Variants in IL1RAPL2 observed in about 807,000 individuals in gnomAD.
IL1RAPL2 encodes the protein interleukin 1 receptor accessory protein like 2.
Under a neutral mutation model 44.1 loss-of-function variants are expected in IL1RAPL2, and 3 were observed. The ratio of observed to expected loss-of-function variants is 0.07; its 90% confidence interval spans 0.03 to 0.18. The LOEUF (loss-of-function observed/expected upper bound fraction) is 0.18. IL1RAPL2 is among the 10% of genes least tolerant of loss of function. IL1RAPL2 has a pLI of 1.00. For synonymous variants in IL1RAPL2, 181 were observed against 178.8 expected (o/e 1.01, Z -0.10); for missense variants, 391 against 496.4 (o/e 0.79, Z 2.02).
At chrX:105,422,121 C>T (rs1029869817) in intron 5 of IL1RAPL2, among the ~76,000 whole-genome samples, 1 of 111,887 alleles carries the variant, frequency 8.9e-6, no homozygotes, top group African/African-American at 3.2e-5. Flanking sequence ...GCAAGAATAA[C>T]ATTTTTTACA....
At chrX:104,600,855 T>G (rs966475333) in intron 1 of IL1RAPL2, among the ~76,000 whole-genome samples, 5 of 111,909 alleles carry the variant, frequency 4.5e-5, no homozygotes, top group African/African-American at 1.6e-4. Context: ...TTTCATTATT[T>G]TTTATGGCTG....
intron 6 of IL1RAPL2, among the ~76,000 whole-genome samples, chrX:105,542,688 ATTTT>A (rs1159844672): frequency 9.4e-5 from 8 of 84,861 alleles, no homozygotes; most frequent in African/African-American, 4.3e-4. Flanking sequence ...TATTTTTTAT[ATTTT>A]TTATTTATTT....
intron 2 of IL1RAPL2, among the ~76,000 whole-genome samples, chrX:104,707,113 C>T (rs1050146687): frequency 9.0e-6 from 1 of 111,304 alleles, no homozygotes; most frequent in Non-Finnish European, 1.9e-5. Context: ...ACACTGGCTA[C>T]ATTTTCATAA....
At chrX:105,634,358 C>A (rs981956239) in intron 6 of IL1RAPL2, among the ~76,000 whole-genome samples, 2 of 111,087 alleles carry the variant, frequency 1.8e-5, no homozygotes, top group Non-Finnish European at 1.9e-5. Flanking sequence ...CCATGAGAAA[C>A]CACACAAAGA....
chrX:104,900,174 G>A (rs1308520733), intron 2 of IL1RAPL2, among the ~76,000 whole-genome samples: 6 of 111,128 alleles, frequency 5.4e-5, no homozygotes, highest in Non-Finnish European at 9.4e-5. Context: ...ACTCTTTTAC[G>A]TACCACAAAG....
At chrX:104,746,002 C>T (rs1407954709) in intron 2 of IL1RAPL2, among the ~76,000 whole-genome samples, 2 of 111,189 alleles carry the variant, frequency 1.8e-5, no homozygotes, top group African/African-American at 3.3e-5. Flanking sequence ...TGATTCATTG[C>T]GTAAATCATT....
rs1429120745 is a variant in IL1RAPL2 at position 105,030,129 on chromosome X, T to C, written c.83-165346T>C. On this transcript the variant is annotated intron_variant, in intron 2 of 10. Coordinates refer to ENST00000372582, the MANE Select transcript of IL1RAPL2 (RefSeq NM_017416.2). The stretch of plus-strand genomic sequence containing the variant: ...TTTCTTGTAAATTTGTTGTTCATTG[T>C]AGATTCTAGATATTGGCCCTTTGAC... 2.7e-5 allele frequency among the ~76,000 whole-genome samples: 3 copies of C among 111,975 alleles called. No individual in the cohort carries two copies. In the East Asian group the frequency reaches 8.4e-4, roughly 31 times the overall value.
In IL1RAPL2 at chrX:105,456,347, C is replaced by T. The variant is rs144037654; in HGVS notation, c.698-27966C>T. Among the ~76,000 whole-genome samples, 731 of 111,357 alleles carry T rather than the reference C, an allele frequency of 6.6e-3. 3 individuals are homozygous for T. Among genetic ancestry groups the T allele is most frequent in the Middle Eastern group, 0.019 (4 of 212 alleles). On this transcript the variant is annotated intron_variant, in intron 5 of 10. Coordinates refer to ENST00000372582, the MANE Select transcript of IL1RAPL2 (RefSeq NM_017416.2). Reference sequence around the variant, plus strand: ...ACCAGATTGCCCTGGCTAGGCTTTCCAACATCATGTTGAATAGTAGTGGTG... The same window carrying T: ...ACCAGATTGCCCTGGCTAGGCTTTCTAACATCATGTTGAATAGTAGTGGTG...
intron 5 of IL1RAPL2, chrX:105,406,658 T>A: frequency 8.8e-7 from 1 of 1,141,165 alleles, no homozygotes; most frequent in East Asian, 3.0e-5. Context: ...GTGCAAATCT[T>A]GAATGAGCTG....
chrX:105,649,889 A>G (rs1300188816), intron 6 of IL1RAPL2, among the ~76,000 whole-genome samples: 1 of 111,663 alleles, frequency 9.0e-6, no homozygotes, highest in Non-Finnish European at 1.9e-5. Context: ...GGAGGAGAGA[A>G]AAGATATCTC....
intron 2 of IL1RAPL2, among the ~76,000 whole-genome samples, chrX:104,796,557 G>T (rs1324853415): frequency 1.4e-4 from 16 of 111,811 alleles, no homozygotes; most frequent in Admixed American, 1.0e-3. Flanking sequence ...GCATTGTGCG[G>T]TGATGGGGAA....
chrX:105,537,336 C>CTA (rs769227689), intron 6 of IL1RAPL2, among the ~76,000 whole-genome samples: 18 of 111,414 alleles, frequency 1.6e-4, no homozygotes, highest in Non-Finnish European at 3.0e-4. Context: ...GAACGTTGAC[C>CTA]TATACATGGC....
At chrX:105,054,702 G>A (rs2031970998) in intron 2 of IL1RAPL2, among the ~76,000 whole-genome samples, 2 of 112,214 alleles carry the variant, frequency 1.8e-5, no homozygotes, top group South Asian at 3.7e-4. Flanking sequence ...CTACTATATG[G>A]AACAGTGCAA....
At chrX:105,099,154 G>A (rs1464136885) in intron 2 of IL1RAPL2, among the ~76,000 whole-genome samples, 2 of 112,266 alleles carry the variant, frequency 1.8e-5, no homozygotes, top group Non-Finnish European at 3.8e-5. Flanking sequence ...ATTAAACAAA[G>A]AGTCCCACAC....
At chrX:105,554,122 C>T (rs991513430) in intron 6 of IL1RAPL2, among the ~76,000 whole-genome samples, 4 of 112,423 alleles carry the variant, frequency 3.6e-5, no homozygotes, top group African/African-American at 1.3e-4. Context: ...GTAATCTGTG[C>T]CCCACTCCAT....
chrX:104,726,395 A>AT (rs1229335980), intron 2 of IL1RAPL2, among the ~76,000 whole-genome samples: 1 of 110,535 alleles, frequency 9.0e-6, no homozygotes, highest in African/African-American at 3.3e-5. Flanking sequence ...ATTTAAAGTA[A>AT]TTTTTTTTCT....
At chrX:105,601,290 A>G (rs189964929) in intron 6 of IL1RAPL2, among the ~76,000 whole-genome samples, 18 of 111,402 alleles carry the variant, frequency 1.6e-4, no homozygotes, top group Non-Finnish European at 2.4e-4. Context: ...TACATCATCA[A>G]TATATTTGTC....
intron 2 of IL1RAPL2, among the ~76,000 whole-genome samples, chrX:105,096,717 T>G (rs2032607481): frequency 9.0e-6 from 1 of 111,631 alleles, no homozygotes; most frequent in South Asian, 3.8e-4. Context: ...GACTATTTAA[T>G]GGACATGGGT....
chrX:105,637,640 A>T (rs1192399233), intron 6 of IL1RAPL2, among the ~76,000 whole-genome samples: 1 of 109,823 alleles, frequency 9.1e-6, no homozygotes, highest in Non-Finnish European at 1.9e-5. Context: ...ATACTATAGC[A>T]AAGACTCAAC....
Sources: allele counts gnomAD v4.1 joint callset (sites outside exome capture counted in the v4.1 genomes callset), GRCh38; gene constraint gnomAD v4.1.1; transcripts MANE v1.5; gene names NCBI Gene and HGNC (gene_info 2026-07-23, HGNC 2026-07-21).